The following EPHB2 variants were observed in gnomAD, a reference collection of about 807,000 sequenced individuals.
The protein encoded by EPHB2 is ephrin type-B receptor 2.
In EPHB2, 18 loss-of-function variants were observed where a neutral mutation model predicts 96.4. The ratio of observed to expected loss-of-function variants is 0.19; its 90% CI spans 0.13 to 0.28. The LOEUF (loss-of-function observed/expected upper bound fraction) is 0.28, where lower values mean the gene tolerates loss of function less well. Ranked by LOEUF, EPHB2 falls within the 10% of genes least tolerant of loss-of-function variation. EPHB2 has a pLI of 1.00. For missense variants in EPHB2, 989 were observed against 1,355.4 expected (o/e 0.73, Z 4.25); for synonymous variants, 506 against 534.1 (o/e 0.95, Z 0.72).
intron 15 of EPHB2, 154 bp downstream of exon 15, chr1:22,912,753 T>G: frequency 9.2e-7 from 1 of 1,082,114 alleles, no homozygotes; most frequent in Non-Finnish European, 1.4e-6. Context: ...GAGTCACCTG[T>G]GGACTGATAC....
At chr1:22,742,200 G>A (rs1049863854) in intron 1 of EPHB2, among the ~76,000 whole-genome samples, 3 of 152,162 alleles carry the variant, frequency 2.0e-5, no homozygotes, top group Non-Finnish European at 2.9e-5. Flanking sequence ...CTCCAGGCTC[G>A]TGGTATGGAC....
rs1640387601 is a variant in EPHB2, at chr1:22,921,148, G to C, written c.*7578G>C. The C allele has an allele frequency of 1.3e-5, 2 of 152,338 alleles. No homozygotes were observed. The highest frequency in any genetic ancestry group is 4.8e-5 in the African/African-American group (2 of 41,458). 9.4% of individuals were successfully genotyped at this position (152,338 alleles called of 1,614,324 possible). A position where few individuals can be genotyped will look rare whatever the true frequency, so the allele number is the denominator to read the frequency against. On this transcript the variant is annotated 3_prime_UTR_variant, in exon 16 of 16. Coordinates refer to ENST00000374630, the MANE Select transcript of EPHB2 (RefSeq NM_017449.5). ...GGAGCTGCTGTCAGAGCCATGGGCT[G>C]TGGGAGTGAGTGTGCACACTCCTTC... is the stretch of plus-strand genomic sequence containing the variant.
intron 2 of EPHB2, among the ~76,000 whole-genome samples, chr1:22,782,608 A>G (rs139994430): frequency 0.039 from 6,001 of 152,152 alleles, 146 homozygotes; most frequent in Non-Finnish European, 0.057. Flanking sequence ...GCTGGGCTGC[A>G]GGGCCCCCGG....
Position 22,859,993 on chromosome 1 carries a change from T to C in EPHB2, c.812-3044T>C, listed in dbSNP as rs369671490. Among the ~76,000 whole-genome samples, 14 of 152,334 alleles carry C rather than the reference T, an allele frequency of 9.2e-5. No individual in the cohort carries two copies. The East Asian group carries it at 1.5e-3, about 17-fold the overall frequency. On this transcript the variant is annotated intron_variant, in intron 3 of 15. Coordinates refer to ENST00000374630, the MANE Select transcript of EPHB2 (RefSeq NM_017449.5). ...CTTTCTGTCTCTTTCGATGTGCCTG[T>C]GCTGGGCCTGTTTCATATAAATGGA...
intron 3 of EPHB2, among the ~76,000 whole-genome samples, chr1:22,812,350 C>G (rs1019791771): frequency 6.6e-6 from 1 of 152,220 alleles, no homozygotes; most frequent in Admixed American, 6.5e-5. Context: ...GGCTTCCACT[C>G]GGAGTGGGCA....
At chr1:22,713,203 C>T (rs1434117093) in intron 1 of EPHB2, among the ~76,000 whole-genome samples, 1 of 152,128 alleles carries the variant, frequency 6.6e-6, no homozygotes, top group Non-Finnish European at 1.5e-5. Flanking sequence ...GCTCTTGTTC[C>T]GTTTGCCCCC....
intron 1 of EPHB2, among the ~76,000 whole-genome samples, chr1:22,747,505 C>A (rs1374173582): frequency 6.6e-6 from 1 of 152,166 alleles, no homozygotes; most frequent in Non-Finnish European, 1.5e-5. Context: ...TTCCTCAAAT[C>A]CCAGCTGCCA....
chr1:22,884,655 G>A (rs1557734790), intron 6 of EPHB2, among the ~76,000 whole-genome samples: 1 of 150,642 alleles, frequency 6.6e-6, no homozygotes, highest in Non-Finnish European at 1.5e-5. Context: ...GGGAACCAAT[G>A]GGTGGCTGGA....
intron 3 of EPHB2, among the ~76,000 whole-genome samples, chr1:22,859,294 T>C (rs976936023): frequency 5.4e-4 from 6 of 11,164 alleles, no homozygotes; most frequent in East Asian, 3.3e-3. Flanking sequence ...GGGGTGGGCC[T>C]GGTGGGGGGG....
At chr1:22,807,709 G>A (rs530988654) in intron 3 of EPHB2, among the ~76,000 whole-genome samples, 11 of 152,214 alleles carry the variant, frequency 7.2e-5, no homozygotes, top group African/African-American at 2.4e-4. Flanking sequence ...CAGAATTCCC[G>A]GACAGCACAG....
rs751624607 is a variant in EPHB2 at position 22,733,040 on chromosome 1, CCTTTCTTT to C, written c.61+22014_61+22021del. 6.6e-6 allele frequency among the ~76,000 whole-genome samples: 1 copy of C among 151,958 alleles called. No homozygotes were observed. The highest frequency in any genetic ancestry group is 1.5e-5 in the Non-Finnish European group (1 of 67,984). On this transcript the variant is annotated intron_variant, in intron 1 of 15. Transcript: ENST00000374630. This position sits in a 1 kb window ranked among gnomAD's most constrained non-coding sequence, Gnocchi z 4.6. ...TCTGTATGTTCCCCCTCCTAGGCTGCCTTTCTTTCTTTCTTTCTTTCTTTTTTTTTGGA... is the reference window on the plus strand; with the variant it reads ...TCTGTATGTTCCCCCTCCTAGGCTGCCTTTCTTTCTTTCTTTTTTTTTGGA...
chr1:22,726,496 C>G (rs924046146), intron 1 of EPHB2, among the ~76,000 whole-genome samples: 3 of 151,878 alleles, frequency 2.0e-5, no homozygotes, highest in African/African-American at 7.3e-5. Context: ...TCTTGGCTCA[C>G]TGCAACCTCC....
chr1:22,766,641 G>A (rs572737434), intron 1 of EPHB2, among the ~76,000 whole-genome samples: 3 of 152,274 alleles, frequency 2.0e-5, no homozygotes, highest in East Asian at 3.9e-4. Flanking sequence ...GGGCTAGCAG[G>A]GAAGGAGTTG....
In EPHB2 at chr1:22,882,499, G is replaced by T; in HGVS notation, c.1428+16G>T. ...CTATGAGAAGGTACCTATTGGCTGG[G>T]TGCTGTCCCCATCACCCACCTCCCT... On this transcript the variant is annotated intron_variant, in intron 6 of 15. Transcript: ENST00000374630. 6.2e-7 allele frequency: 1 copy of T among 1,613,420 alleles called. No homozygotes were observed. Among genetic ancestry groups the T allele is most frequent in the Non-Finnish European group, 8.5e-7 (1 of 1,179,552 alleles).
rs2148424040 is a variant in EPHB2, at chr1:22,784,555, G to A, written c.290G>A (p.Cys97Tyr). 1 of 1,614,196 alleles carries A rather than the reference G, an allele frequency of 6.2e-7. No homozygotes were observed. Residue 97 changes from cysteine (C) to tyrosine (Y), a missense_variant, in exon 3 of 16, where the codon TGC becomes TAC. By Grantham distance (194) the Cys-to-Tyr change is radical. Coordinates refer to ENST00000374630, the MANE Select transcript of EPHB2 (RefSeq NM_017449.5). This position sits in a 1 kb window ranked among gnomAD's most constrained non-coding sequence, Gnocchi z 5.1. ...HVEMKFSVRD[C>Y]SSIPSVPGSC... Reference sequence around the variant, plus strand: ...GAGATGAAGTTTTCGGTGCGTGACTGCAGCAGCATCCCCAGCGTGCCTGGC... The same window carrying A: ...GAGATGAAGTTTTCGGTGCGTGACTACAGCAGCATCCCCAGCGTGCCTGGC...
intron 3 of EPHB2, among the ~76,000 whole-genome samples, chr1:22,853,303 A>G (rs1444596878): frequency 3.3e-5 from 5 of 152,252 alleles, no homozygotes; most frequent in Non-Finnish European, 1.5e-5. Flanking sequence ...CAGTGAGCCA[A>G]GATCGCGCCG....
chr1:22,776,230 T>C (rs1644449568), intron 1 of EPHB2, among the ~76,000 whole-genome samples: 1 of 152,150 alleles, frequency 6.6e-6, no homozygotes, highest in Non-Finnish European at 1.5e-5. Flanking sequence ...TTGCCTCTGC[T>C]TCCCCTCTGC....
chr1:22,812,184 A>G (rs965623866), intron 3 of EPHB2, among the ~76,000 whole-genome samples: 1 of 152,186 alleles, frequency 6.6e-6, no homozygotes, highest in African/African-American at 2.4e-5. Flanking sequence ...ATGAAATTGT[A>G]GTGAATGTAG....
Position 22,914,029 on chromosome 1 carries a change from G to C in EPHB2, c.*459G>C. ...GGGGCCGCCCTTGGCTCCTGTCCCT[G>C]CTGCTCCTCTAGGCCTCACTCAACA... On this transcript the variant is annotated 3_prime_UTR_variant, in exon 16 of 16. Coordinates refer to ENST00000374630, the MANE Select transcript of EPHB2 (RefSeq NM_017449.5). The C allele has an allele frequency of 1.0e-6, 1 of 969,662 alleles. No homozygotes were observed. The highest frequency in any genetic ancestry group is 1.5e-6 in the Non-Finnish European group (1 of 672,170). 60.1% of individuals were successfully genotyped at this position (969,662 alleles called of 1,614,324 possible).
Sources: gnomAD v4.1 joint callset for allele counts (sites outside exome capture counted in the v4.1 genomes callset) on GRCh38, gnomAD v4.1.1 for gene constraint, Gnocchi (gnomAD v3.1) non-coding constraint, MANE v1.5 for transcripts, NCBI Gene and HGNC (gene_info 2026-07-23, HGNC 2026-07-21) for gene names.